Variants in LAMA3 observed in about 807,000 individuals in gnomAD.
LAMA3 encodes the protein laminin subunit alpha 3.
In LAMA3, 281 loss-of-function variants were observed where a neutral mutation model predicts 402.0. That is an observed-to-expected ratio of 0.70 (90% CI 0.63 to 0.77). The LOEUF is 0.77. LAMA3 is among the 30% of genes least tolerant of loss of function. The pLI, the probability that LAMA3 is intolerant of heterozygous loss-of-function variation, is 0.00. For missense variants in LAMA3, 3,840 were observed against 4,215.5 expected, an observed-to-expected ratio of 0.91 and a Z score of 2.47; for synonymous variants, 1,431 against 1,558.4, an observed-to-expected ratio of 0.92 and a Z score of 1.93.
chr18:23,741,092 T>TA (rs1391786802), intron 2 of LAMA3, among the ~76,000 whole-genome samples: 9 of 152,096 alleles, frequency 5.9e-5, no homozygotes, highest in African/African-American at 1.9e-4. Context: ...TAGCTGGGGC[T>TA]ACAGGTGCCT....
intron 12 of LAMA3, among the ~76,000 whole-genome samples, chr18:23,796,932 C>G (rs1282792972): frequency 6.6e-6 from 1 of 152,170 alleles, no homozygotes; most frequent in Non-Finnish European, 1.5e-5. Flanking sequence ...AGGGAAAAGA[C>G]TATCAAGCCT....
chr18:23,938,137 G>A (rs1258144), intron 67 of LAMA3, among the ~76,000 whole-genome samples: 132,812 of 152,132 alleles, frequency 0.87, 59,106 homozygotes, highest in Non-Finnish European at 0.97. Flanking sequence ...AGAAGCACCA[G>A]TTCTGCCTGG....
chr18:23,844,353 T>A (rs951675348), intron 29 of LAMA3, among the ~76,000 whole-genome samples: 13 of 152,342 alleles, frequency 8.5e-5, no homozygotes, highest in Non-Finnish European at 1.8e-4. Context: ...CTTTCTGCAT[T>A]GTTCTTGCCA....
intron 8 of LAMA3, among the ~76,000 whole-genome samples, chr18:23,769,839 A>G (rs2062157059): frequency 6.6e-6 from 1 of 152,274 alleles, no homozygotes. Flanking sequence ...TGAATAAAAA[A>G]GCAAGACTCA....
chr18:23,784,265 A>T, intron 12 of LAMA3, 108 bp downstream of exon 12: 1 of 1,337,382 alleles, frequency 7.5e-7, no homozygotes, highest in Non-Finnish European at 1.1e-6. Flanking sequence ...AGTTTAATAA[A>T]TGGGCCCCTG....
chr18:23,734,391 A>G (rs2061439855), intron 2 of LAMA3, among the ~76,000 whole-genome samples: 1 of 152,228 alleles, frequency 6.6e-6, no homozygotes, highest in Admixed American at 6.5e-5. Flanking sequence ...TTGGGTGAGA[A>G]GAGCATGGAG....
rs181849172 is a variant in LAMA3 at position 23,882,962 on chromosome 18, T to A, written c.5222+917T>A. On this transcript the variant is annotated intron_variant, in intron 40 of 74. Transcript: ENST00000313654. ...GTGTCACTGACAGTGAGGGGGTGGCTGCTTTAGAGGGGTGGCCAAGGAGGC... is the reference window on the plus strand; with the variant it reads ...GTGTCACTGACAGTGAGGGGGTGGCAGCTTTAGAGGGGTGGCCAAGGAGGC... 2.8e-3 allele frequency among the ~76,000 whole-genome samples: 428 copies of A among 152,284 alleles called. 6 individuals carry two copies. The highest frequency in any genetic ancestry group is 9.5e-3 in the African/African-American group (396 of 41,552).
At chr18:23,755,658 A>G (rs760823600) in intron 6 of LAMA3, among the ~76,000 whole-genome samples, 2 of 152,230 alleles carry the variant, frequency 1.3e-5, no homozygotes, top group African/African-American at 2.4e-5. Flanking sequence ...AAGGACCTCA[A>G]ATTTAATTCT....
chr18:23,797,965 A>G (rs1053438440), intron 12 of LAMA3, among the ~76,000 whole-genome samples: 2 of 152,150 alleles, frequency 1.3e-5, no homozygotes, highest in African/African-American at 4.8e-5. Flanking sequence ...TGTATATAAA[A>G]TATATATTTA....
At chr18:23,799,685 T>A (rs1285558120) in intron 12 of LAMA3, among the ~76,000 whole-genome samples, 1 of 152,132 alleles carries the variant, frequency 6.6e-6, no homozygotes, top group Non-Finnish European at 1.5e-5. Flanking sequence ...AAGCCTGTAG[T>A]AGCCAGGGTT....
At chr18:23,713,284 T>A (rs2145908087) in intron 1 of LAMA3, among the ~76,000 whole-genome samples, 1 of 152,342 alleles carries the variant, frequency 6.6e-6, no homozygotes, top group South Asian at 2.1e-4. Context: ...CCTGTGCCCT[T>A]GCTCGTGCTG....
At chr18:23,932,698 G>A (rs921669579) in intron 66 of LAMA3, 3 of 192,086 alleles carry the variant, frequency 1.6e-5, no homozygotes, top group Non-Finnish European at 2.2e-5. Context: ...AATGTTGAAC[G>A]TGATATTTAA....
At chr18:23,875,546 G>A (rs906813433) in intron 38 of LAMA3, among the ~76,000 whole-genome samples, 3 of 152,052 alleles carry the variant, frequency 2.0e-5, no homozygotes, top group Admixed American at 6.6e-5. Flanking sequence ...CCTCATGCAC[G>A]CTCCCCTCCC....
intron 12 of LAMA3, among the ~76,000 whole-genome samples, chr18:23,794,185 G>A (rs909201924): frequency 6.6e-6 from 1 of 152,160 alleles, no homozygotes. Context: ...TTCCTCCAGG[G>A]TATAGACTTG....
At chr18:23,768,977 G>A (rs2062137473) in intron 8 of LAMA3, among the ~76,000 whole-genome samples, 1 of 152,150 alleles carries the variant, frequency 6.6e-6, no homozygotes, top group African/African-American at 2.4e-5. Flanking sequence ...ATAGACACTG[G>A]GGACTACTAG....
Position 23,836,985 on chromosome 18 carries a change from C to A in LAMA3, c.2989C>A (p.Leu997Ile), listed in dbSNP as rs1440244473. 1 of 1,612,784 alleles carries A rather than the reference C, an allele frequency of 6.2e-7. No individual in the cohort carries two copies. The highest frequency in any genetic ancestry group is 1.1e-5 in the South Asian group (1 of 91,032). ...AAACTCTGTTTTCTCTTGCAGTGTT[C>A]TCTGCCGGAGTGCTGTGATTGATCA... ...VNIYSCNYSV[L>I]CRSAVIDHMS... Residue 997 changes from leucine (L) to isoleucine (I), a missense_variant, in exon 25 of 75, where the codon CTC (leucine) becomes ATC (isoleucine). Transcript: ENST00000313654.
chr18:23,869,928 C>A (rs574038740), intron 37 of LAMA3, among the ~76,000 whole-genome samples: 2 of 151,550 alleles, frequency 1.3e-5, no homozygotes, highest in Non-Finnish European at 2.9e-5. Flanking sequence ...ATTAGCCAGG[C>A]GTGGTGGCAC....
chr18:23,921,516 T>G lies in LAMA3; in HGVS notation c.8108T>G (p.Ile2703Arg). 1 of 1,613,600 alleles carries G rather than the reference T, an allele frequency of 6.2e-7. No individual in the cohort carries two copies. Among genetic ancestry groups the G allele is most frequent in the South Asian group, 1.1e-5 (1 of 91,072 alleles). Residue 2703 changes from isoleucine (I) to arginine (R), a missense_variant, in exon 62 of 75, where the codon ATA becomes AGA. Coordinates refer to ENST00000313654, the MANE Select transcript of LAMA3 (RefSeq NM_198129.4). ...ATAAATGTGGACGTTCAAAACACTA[T>G]AATTGATGGTGAAGTATTTGATTTC... is the stretch of plus-strand genomic sequence containing the variant. The part of the protein sequence containing the change: ...MWINVDVQNT[I>R]IDGEVFDFST...
chr18:23,899,699 T>C, intron 47 of LAMA3: 1 of 426,328 alleles, frequency 2.3e-6, no homozygotes, highest in Non-Finnish European at 4.3e-6. Flanking sequence ...AAAAGTTAGA[T>C]ATGGTTGCCT....
Sources: gnomAD v4.1 joint callset for allele counts (sites outside exome capture counted in the v4.1 genomes callset) on GRCh38, gnomAD v4.1.1 for gene constraint, MANE v1.5 for transcripts, NCBI Gene and HGNC (gene_info 2026-07-23, HGNC 2026-07-21) for gene names.